The following MED17 variants were observed in gnomAD, a reference collection of about 807,000 sequenced individuals.
MED17 encodes the protein mediator complex subunit 17, also known as mediator of RNA polymerase II transcription subunit 17.
Under a neutral mutation model 80.8 loss-of-function variants are expected in MED17, and 49 were observed. The observed-to-expected ratio is 0.61, with a 90% CI of 0.48 to 0.77. MED17 has a LOEUF of 0.77. MED17 is among the 30% of genes least tolerant of loss of function. The pLI is 0.00. For missense variants in MED17, 718 were observed against 787.0 expected (o/e 0.91, Z 1.05); for synonymous variants, 281 against 280.4 (o/e 1.00, Z -0.02).
chr11:93,795,613 A>G (rs1943891533), intron 6 of MED17: 1 of 153,438 alleles, frequency 6.5e-6, no homozygotes, highest in Non-Finnish European at 1.4e-5. Flanking sequence ...TAGAAACTGG[A>G]TTTTAATTAT....
chr11:93,809,820 T>C lies in MED17; in HGVS notation c.1688T>C (p.Ile563Thr). 1.2e-6 allele frequency: 2 copies of C among 1,614,192 alleles called. No homozygotes were observed. The highest frequency in any genetic ancestry group is 1.7e-6 in the Non-Finnish European group (2 of 1,180,028). Residue 563 changes from isoleucine (I) to threonine (T), a missense_variant, in exon 11 of 12, where the codon ATT (isoleucine) becomes ACT (threonine). By Grantham distance (89) the Ile-to-Thr change is moderately conservative. Transcript: ENST00000251871. ...NHVGLGPIESIGNASAITVAS... is the reference protein window; with the variant it reads ...NHVGLGPIESTGNASAITVAS... ...GTGGGACTTGGACCTATAGAGAGCA[T>C]TGGTAATGCATCTGCCATCACGGTG...
In MED17 at chr11:93,794,196, G is replaced by A. The variant is rs1943875280; in HGVS notation, c.859+161G>A. The A allele has an allele frequency of 1.3e-5, 6 of 474,316 alleles. No individual in the cohort carries two copies. In the Admixed American group the frequency reaches 2.2e-4, roughly 17 times the overall value. 29.4% of individuals were successfully genotyped at this position (474,316 alleles called of 1,614,324 possible). A position where few individuals can be genotyped will look rare whatever the true frequency, so the allele number is the denominator to read the frequency against. On this transcript the variant is annotated intron_variant, in intron 5 of 11. Coordinates refer to ENST00000251871, the MANE Select transcript of MED17 (RefSeq NM_004268.5). ...CAATAAACTATTAGTGAATAGCTGT[G>A]CAATTTTTTTTTTTTTTTTTTTTTT...
chr11:93,797,249 T>C (rs1160862381), intron 7 of MED17: 1 of 363,418 alleles, frequency 2.8e-6, no homozygotes, highest in African/African-American at 2.1e-5. Context: ...TGGGCTTTCA[T>C]GCTTATGCAT....
intron 8 of MED17, among the ~76,000 whole-genome samples, chr11:93,800,218 G>A (rs943589448): frequency 1.3e-5 from 2 of 152,182 alleles, no homozygotes; most frequent in Non-Finnish European, 2.9e-5. Context: ...AGCCGGTACT[G>A]CAGCAGCAGA....
chr11:93,810,184 A>T, intron 11 of MED17: 1 of 354,190 alleles, frequency 2.8e-6, no homozygotes, highest in Non-Finnish European at 5.4e-6. Context: ...AAAAATATAT[A>T]CTGCTGTAAA....
At chr11:93,786,552 T>C (rs1483207132) in intron 1 of MED17, among the ~76,000 whole-genome samples, 4 of 151,938 alleles carry the variant, frequency 2.6e-5, no homozygotes, top group African/African-American at 9.7e-5. Flanking sequence ...CTGCAACCCC[T>C]GCCTCCTGGA....
intron 1 of MED17, among the ~76,000 whole-genome samples, chr11:93,785,201 G>A (rs1943756606): frequency 6.6e-6 from 1 of 152,216 alleles, no homozygotes; most frequent in Admixed American, 6.5e-5. Context: ...AATGTGTGAC[G>A]AGGTCCAAGA....
intron 9 of MED17, 66 bp from the exon 10 acceptor site, chr11:93,807,452 A>C: frequency 1.1e-6 from 1 of 904,996 alleles, no homozygotes; most frequent in Non-Finnish European, 1.9e-6. Flanking sequence ...GTTAACGTTT[A>C]TTATTTATGA....
At chr11:93,806,647 C>G (rs1944028532) in intron 9 of MED17, 1 of 152,170 alleles carries the variant, frequency 6.6e-6, no homozygotes. Flanking sequence ...AGAATTTGCT[C>G]CTTGGTTAAC....
At chr11:93,799,184 T>C (rs1943935813) in intron 8 of MED17, among the ~76,000 whole-genome samples, 1 of 150,558 alleles carries the variant, frequency 6.6e-6, no homozygotes, top group African/African-American at 2.4e-5. Flanking sequence ...AGAAATTTTT[T>C]TTTTTTTTTT....
chr11:93,795,174 G>A lies in MED17; in HGVS notation c.1012+114G>A, dbSNP rs1276173004. 6 of 1,171,548 alleles carry A rather than the reference G, an allele frequency of 5.1e-6. No homozygotes were observed. The Admixed American group carries it at 1.0e-4, about 20-fold the overall frequency. 72.6% of individuals were successfully genotyped at this position (1,171,548 alleles called of 1,614,324 possible). ...AGAATAATGAGAGCAAAGAAATAGTGTGCTATCCATAGTGACAGCCAGTAA... is the reference window on the plus strand; with the variant it reads ...AGAATAATGAGAGCAAAGAAATAGTATGCTATCCATAGTGACAGCCAGTAA... On this transcript the variant is annotated intron_variant, in intron 6 of 11. Transcript: ENST00000251871.
At position 93,811,856 on chromosome 11, in the gene MED17, G is replaced by C. The variant is rs548231700; in HGVS notation, c.1748G>C (p.Arg583Pro). Residue 583 changes from arginine (R) to proline (P), a missense_variant, in exon 12 of 12, where the codon CGT becomes CCT. Transcript: ENST00000251871. ...ATATTTTGGTTTTTCTCCACAGTTC[G>C]TAATGGACCTGAAAGTGGCAGCAAG... ...SPSGDYAISVRNGPESGSKIM... is the reference protein window; with the variant it reads ...SPSGDYAISVPNGPESGSKIM... 8 of 1,613,936 alleles carry C rather than the reference G, an allele frequency of 5.0e-6. No individual in the cohort carries two copies. Among genetic ancestry groups the C allele is most frequent in the Non-Finnish European group, 4.2e-6 (5 of 1,179,974 alleles).
At chr11:93,802,409 T>A (rs1438565833) in intron 9 of MED17, among the ~76,000 whole-genome samples, 4 of 152,184 alleles carry the variant, frequency 2.6e-5, no homozygotes, top group Non-Finnish European at 5.9e-5. Flanking sequence ...CCTTGTTTTT[T>A]TGTTTTTTTG....
At chr11:93,795,691 A>G (rs1367990014) in intron 6 of MED17, 1 of 153,566 alleles carries the variant, frequency 6.5e-6, no homozygotes, top group East Asian at 1.9e-4. Flanking sequence ...TGTTTTTTAC[A>G]TAAATTCTAA....
chr11:93,798,777 C>T (rs1441974384), intron 8 of MED17, among the ~76,000 whole-genome samples: 1 of 152,054 alleles, frequency 6.6e-6, no homozygotes, highest in African/African-American at 2.4e-5. Context: ...GTAGAAGTTT[C>T]TTATAAGTAA....
chr11:93,812,415 A>C lies in MED17; in HGVS notation c.*351A>C. 1 of 468,400 alleles carries C rather than the reference A, an allele frequency of 2.1e-6. No homozygotes were observed. Among genetic ancestry groups the C allele is most frequent in the Non-Finnish European group, 3.7e-6 (1 of 270,002 alleles). 29.0% of individuals were successfully genotyped at this position (468,400 alleles called of 1,614,324 possible). ...ATGTGGTTTAAAAAAATCTCCAAAT[A>C]CCTTTTTTTCCCCCCAAATACTTTC... On this transcript the variant is annotated 3_prime_UTR_variant, in exon 12 of 12. Coordinates refer to ENST00000251871, the MANE Select transcript of MED17 (RefSeq NM_004268.5).
intron 5 of MED17, chr11:93,794,500 T>A: frequency 4.0e-6 from 1 of 251,186 alleles, no homozygotes; most frequent in Non-Finnish European, 7.7e-6. Flanking sequence ...CACCAGCACC[T>A]TTTTTTAAGA....
intron 11 of MED17, chr11:93,810,196 A>G (rs1944071488): frequency 3.0e-6 from 1 of 335,696 alleles, no homozygotes; most frequent in Non-Finnish European, 5.7e-6. Flanking sequence ...TGCTGTAAAC[A>G]TGGGAAGAAA....
chr11:93,787,055 G>A (rs1205045563), intron 1 of MED17, among the ~76,000 whole-genome samples: 1 of 151,986 alleles, frequency 6.6e-6, no homozygotes, highest in Admixed American at 6.6e-5. Context: ...GGGGGCGGGG[G>A]AAAGGCAAGT....
Sources: gnomAD v4.1 joint callset for allele counts (sites outside exome capture counted in the v4.1 genomes callset) on GRCh38, gnomAD v4.1.1 for gene constraint, MANE v1.5 for transcripts, NCBI Gene and HGNC (gene_info 2026-07-23, HGNC 2026-07-21) for gene names.